PPP1R9A: variants seen among roughly 807,000 people sequenced by gnomAD.
PPP1R9A encodes the protein protein phosphatase 1 regulatory subunit 9A, also known as neurabin-1.
A neutral mutation model predicts 141.9 loss-of-function variants in PPP1R9A; 59 were observed. The ratio of observed to expected loss-of-function variants is 0.42; its 90% CI spans 0.34 to 0.52. The LOEUF (loss-of-function observed/expected upper bound fraction) is 0.52. Among genes scored for constraint, PPP1R9A ranks in the 20% least tolerant of loss-of-function variants. The pLI is 0.10. For missense variants in PPP1R9A, 1,444 were observed against 1,611.9 expected, an observed-to-expected ratio of 0.90 and a Z score of 1.78; for synonymous variants, 500 against 569.7, an observed-to-expected ratio of 0.88 and a Z score of 1.74.
chr7:95,048,718 A>AT (rs35019764), intron 2 of PPP1R9A, among the ~76,000 whole-genome samples: 43 of 151,342 alleles, frequency 2.8e-4, no homozygotes, highest in African/African-American at 9.0e-4. Flanking sequence ...AATTTTTTGT[A>AT]TTTTTTTTAG....
At chr7:95,042,918 T>TAA (rs56012240) in intron 2 of PPP1R9A, among the ~76,000 whole-genome samples, 79 of 149,824 alleles carry the variant, frequency 5.3e-4, no homozygotes, top group Non-Finnish European at 6.5e-4. Context: ...ATATTTTTGT[T>TAA]AAAAAAAAAA....
intron 2 of PPP1R9A, among the ~76,000 whole-genome samples, chr7:94,972,244 T>G (rs1798932907): frequency 6.6e-6 from 1 of 152,222 alleles, no homozygotes; most frequent in South Asian, 2.1e-4. Context: ...TTTTATTAGG[T>G]AGTTTATCTA....
intron 2 of PPP1R9A, among the ~76,000 whole-genome samples, chr7:94,967,715 A>C (rs1451984500): frequency 6.6e-6 from 1 of 151,904 alleles, no homozygotes; most frequent in East Asian, 1.9e-4. Flanking sequence ...GCTCAGTGCA[A>C]GCTCTTGAGT....
chr7:94,963,897 G>A (rs1797919992), intron 2 of PPP1R9A, among the ~76,000 whole-genome samples: 1 of 152,078 alleles, frequency 6.6e-6, no homozygotes, highest in Admixed American at 6.5e-5. Context: ...ATATCCCATT[G>A]GCATATCCAC....
intron 2 of PPP1R9A, among the ~76,000 whole-genome samples, chr7:95,101,391 TAC>T (rs1171173547): frequency 6.6e-6 from 1 of 152,250 alleles, no homozygotes; most frequent in African/African-American, 2.4e-5. Flanking sequence ...TCACTGATGT[TAC>T]ATGTCCATGT....
chr7:95,282,570 AT>A, intron 16 of PPP1R9A, among the ~76,000 whole-genome samples: 1 of 152,262 alleles, frequency 6.6e-6, no homozygotes, highest in East Asian at 1.9e-4. Context: ...CCCAAGTTGA[AT>A]TTACATTAAG....
At chr7:95,080,474 T>C (rs1464379839) in intron 2 of PPP1R9A, among the ~76,000 whole-genome samples, 3 of 152,178 alleles carry the variant, frequency 2.0e-5, no homozygotes, top group Non-Finnish European at 2.9e-5. Flanking sequence ...TCCATGCTCA[T>C]GGGTAGGAAG....
At chr7:95,105,828 G>A (rs1819433376) in intron 2 of PPP1R9A, among the ~76,000 whole-genome samples, 2 of 152,246 alleles carry the variant, frequency 1.3e-5, no homozygotes, top group Non-Finnish European at 2.9e-5. Context: ...GAGCCATTGT[G>A]TAATGACAGT....
chr7:94,936,539 G>A (rs1190851028), intron 2 of PPP1R9A, among the ~76,000 whole-genome samples: 3 of 152,020 alleles, frequency 2.0e-5, no homozygotes, highest in Non-Finnish European at 4.4e-5. Flanking sequence ...GAAAACCTGA[G>A]CAAAGATTGC....
intron 12 of PPP1R9A, among the ~76,000 whole-genome samples, chr7:95,262,339 T>A (rs1427408012): frequency 6.6e-6 from 1 of 152,316 alleles, no homozygotes. Flanking sequence ...GCTTTTAGGT[T>A]ATGCAGATCT....
chr7:95,150,609 A>AT (rs1828490316), intron 4 of PPP1R9A, among the ~76,000 whole-genome samples: 1 of 152,114 alleles, frequency 6.6e-6, no homozygotes, highest in African/African-American at 2.4e-5. Context: ...GCTGGCAATG[A>AT]TTTTTTAGAA....
At chr7:95,057,242 G>C (rs914463841) in intron 2 of PPP1R9A, among the ~76,000 whole-genome samples, 4 of 152,008 alleles carry the variant, frequency 2.6e-5, no homozygotes, top group African/African-American at 9.7e-5. Context: ...AACCACAGCT[G>C]TTTTAGATAT....
intron 2 of PPP1R9A, among the ~76,000 whole-genome samples, chr7:94,931,767 AG>A (rs1563008486): frequency 6.6e-6 from 1 of 152,086 alleles, no homozygotes; most frequent in East Asian, 1.9e-4. Flanking sequence ...TAGTAGAGAC[AG>A]GGTTTCTCCA....
At chr7:94,961,000 G>A (rs77038600) in intron 2 of PPP1R9A, among the ~76,000 whole-genome samples, 2,029 of 151,612 alleles carry the variant, frequency 0.013, 49 homozygotes, top group African/African-American at 0.047. Context: ...GTTCTATAGA[G>A]CTGGCATCTG....
Position 95,251,854 on chromosome 7 carries a change from T to G in PPP1R9A, c.2489T>G (p.Val830Gly). 1 of 1,613,826 alleles carries G rather than the reference T, an allele frequency of 6.2e-7. No individual in the cohort carries two copies. The highest frequency in any genetic ancestry group is 8.5e-7 in the Non-Finnish European group (1 of 1,179,870). ...CTTGTGGAAGTGCAAGGCCTCCAAGTGCGGGTAAGTTGTGTTCCCTAAGAC... is the reference window on the plus strand; with the variant it reads ...CTTGTGGAAGTGCAAGGCCTCCAAGGGCGGGTAAGTTGTGTTCCCTAAGAC... ...AHLVEVQGLQ[V>G]RIRDLEAEVF... The change falls in exon 11 of 20, where the codon GTG becomes GGG. Residue 830 changes from valine to glycine, a missense_variant. Physicochemically the swap from Val to Gly is moderately radical, Grantham distance 109. Transcript: ENST00000433360.
At chr7:95,030,699 A>G (rs2151810944) in intron 2 of PPP1R9A, among the ~76,000 whole-genome samples, 1 of 152,280 alleles carries the variant, frequency 6.6e-6, no homozygotes, top group Non-Finnish European at 1.5e-5. Flanking sequence ...GCCTACCTAC[A>G]TGCATAAAGC....
intron 2 of PPP1R9A, among the ~76,000 whole-genome samples, chr7:95,053,323 T>G (rs1317616073): frequency 2.0e-5 from 3 of 152,192 alleles, no homozygotes; most frequent in African/African-American, 7.2e-5. Context: ...TTGTCAGTTT[T>G]TTACAAAGCA....
intron 12 of PPP1R9A, among the ~76,000 whole-genome samples, chr7:95,256,079 A>G (rs1428775261): frequency 1.3e-5 from 2 of 152,188 alleles, no homozygotes; most frequent in Middle Eastern, 3.4e-3. Flanking sequence ...GGAGGGTTAT[A>G]TAAGGCATTT....
intron 2 of PPP1R9A, among the ~76,000 whole-genome samples, chr7:95,046,269 T>A (rs1388117619): frequency 6.6e-6 from 1 of 151,986 alleles, no homozygotes; most frequent in Non-Finnish European, 1.5e-5. Flanking sequence ...TTAGTACAGA[T>A]GGGGTTTCAC....
Sources: gnomAD v4.1 joint callset for allele counts (sites outside exome capture counted in the v4.1 genomes callset) on GRCh38, gnomAD v4.1.1 for gene constraint, MANE v1.5 for transcripts, NCBI Gene and HGNC (gene_info 2026-07-23, HGNC 2026-07-21) for gene names.